The following ATXN1 variants were observed in gnomAD, a reference collection of about 807,000 sequenced individuals.
ATXN1 encodes ataxin 1, also known as ataxin-1.
A neutral mutation model predicts 56.4 loss-of-function variants in ATXN1; 8 were observed. The observed-to-expected ratio is 0.14, with a 90% confidence interval of 0.08 to 0.26. The LOEUF is 0.26. Ranked by LOEUF, ATXN1 falls within the 10% of genes least tolerant of loss-of-function variation. The pLI, the probability that ATXN1 is intolerant of heterozygous loss-of-function variation, is 1.00. For missense variants in ATXN1, 987 were observed against 1,106.5 expected (o/e 0.89, Z 1.53); for synonymous variants, 514 against 494.6 (o/e 1.04, Z -0.52).
chr6:16,464,647 C>T (rs1397189199), intron 6 of ATXN1, among the ~76,000 whole-genome samples: 1 of 151,830 alleles, frequency 6.6e-6, no homozygotes, highest in Non-Finnish European at 1.5e-5. Context: ...AGGAAACTTA[C>T]ACGCATATTG....
At chr6:16,731,676 C>G (rs1180268230) in intron 2 of ATXN1, among the ~76,000 whole-genome samples, 1 of 151,694 alleles carries the variant, frequency 6.6e-6, no homozygotes, top group Non-Finnish European at 1.5e-5. Flanking sequence ...GGGCATTTTT[C>G]CCCATGATAT....
intron 2 of ATXN1, among the ~76,000 whole-genome samples, chr6:16,712,062 G>A (rs893822175): frequency 3.3e-5 from 5 of 152,114 alleles, no homozygotes; most frequent in African/African-American, 1.2e-4. Context: ...ACGGGGAGGT[G>A]GAAAGTTGAC....
chr6:16,665,917 A>G (rs1758415165), intron 2 of ATXN1, among the ~76,000 whole-genome samples: 1 of 152,224 alleles, frequency 6.6e-6, no homozygotes, highest in South Asian at 2.1e-4. Context: ...TTTTGATACA[A>G]GCACACAATG....
At chr6:16,531,908 C>A (rs1487891783) in intron 4 of ATXN1, among the ~76,000 whole-genome samples, 1 of 152,158 alleles carries the variant, frequency 6.6e-6, no homozygotes, top group East Asian at 1.9e-4. Flanking sequence ...ATTATATATA[C>A]GGTTCTAAAA....
intron 3 of ATXN1, among the ~76,000 whole-genome samples, chr6:16,642,142 C>T (rs1763716900): frequency 1.3e-5 from 2 of 152,200 alleles, no homozygotes; most frequent in Admixed American, 6.5e-5. Flanking sequence ...AATCTCAGCA[C>T]TTTGGGAGGC....
chr6:16,583,839 G>A (rs1762570718), intron 4 of ATXN1, among the ~76,000 whole-genome samples: 1 of 152,114 alleles, frequency 6.6e-6, no homozygotes, highest in Non-Finnish European at 1.5e-5. Context: ...AACCCTTTTT[G>A]TAGATACTAG....
chr6:16,488,282 A>G, intron 5 of ATXN1, among the ~76,000 whole-genome samples: 1 of 152,190 alleles, frequency 6.6e-6, no homozygotes, highest in East Asian at 1.9e-4. Context: ...CCCTCCCCCA[A>G]AAAGGACTGA....
At chr6:16,308,760 G>A (rs1006340279) in intron 7 of ATXN1, among the ~76,000 whole-genome samples, 3 of 152,124 alleles carry the variant, frequency 2.0e-5, no homozygotes, top group Non-Finnish European at 4.4e-5. Context: ...GTGGTCATGA[G>A]GAGACCAGAT....
At chr6:16,664,753 AAATTTT>A (rs1758391317) in intron 2 of ATXN1, among the ~76,000 whole-genome samples, 1 of 152,018 alleles carries the variant, frequency 6.6e-6, no homozygotes, top group East Asian at 1.9e-4. Context: ...GGTCCTCAAT[AAATTTT>A]AAGAGTATAA....
chr6:16,548,393 T>G (rs1761853875), intron 4 of ATXN1, among the ~76,000 whole-genome samples: 1 of 152,210 alleles, frequency 6.6e-6, no homozygotes, highest in Non-Finnish European at 1.5e-5. Flanking sequence ...TGTATACACT[T>G]AGGCTGCACC....
chr6:16,368,438 A>T (rs1256222926), intron 6 of ATXN1, among the ~76,000 whole-genome samples: 1 of 144,948 alleles, frequency 6.9e-6, no homozygotes, highest in African/African-American at 2.5e-5. Context: ...ACTTCATTTT[A>T]CAGATTAGGA....
Position 16,408,230 on chromosome 6 carries a change from C to T in ATXN1, c.-161+77742G>A, listed in dbSNP as rs1247137066. ...CTTGGCAACAAAATAAAAGAAGAAC[C>T]GATCATCAACCCTCATGACATCACA... is the stretch of plus-strand genomic sequence containing the variant. On this transcript the variant is annotated intron_variant, in intron 6 of 7. Transcript: ENST00000436367. 2.6e-5 allele frequency among the ~76,000 whole-genome samples: 4 copies of T among 152,014 alleles called. No individual in the cohort carries two copies. The East Asian group carries it at 5.8e-4, about 22-fold the overall frequency.
intron 6 of ATXN1, among the ~76,000 whole-genome samples, chr6:16,342,059 T>G (rs1448606166): frequency 6.6e-6 from 1 of 151,834 alleles, no homozygotes; most frequent in Non-Finnish European, 1.5e-5. Context: ...TTTATTTTTA[T>G]TTTTGGTAGA....
intron 2 of ATXN1, among the ~76,000 whole-genome samples, chr6:16,701,424 C>A (rs1759281025): frequency 6.6e-6 from 1 of 152,180 alleles, no homozygotes. Context: ...CCTTTACACA[C>A]AAGACAGGGA....
chr6:16,640,561 T>C (rs1421231808), intron 3 of ATXN1, among the ~76,000 whole-genome samples: 1 of 151,806 alleles, frequency 6.6e-6, no homozygotes, highest in East Asian at 1.9e-4. Context: ...CGGGTGCCTG[T>C]AGTCTCAGCT....
intron 4 of ATXN1, among the ~76,000 whole-genome samples, chr6:16,574,365 C>T (rs567165169): frequency 6.6e-6 from 1 of 152,320 alleles, no homozygotes; most frequent in East Asian, 1.9e-4. Flanking sequence ...GCCACCATGC[C>T]CAGCTAATTT....
chr6:16,531,391 G>T (rs924797792), intron 4 of ATXN1, among the ~76,000 whole-genome samples: 1 of 152,180 alleles, frequency 6.6e-6, no homozygotes, highest in African/African-American at 2.4e-5. Flanking sequence ...GGGAGGCCGA[G>T]GCCAGTGGAT....
At chr6:16,529,208 G>GTTT (rs57446118) in intron 4 of ATXN1, among the ~76,000 whole-genome samples, 19 of 123,342 alleles carry the variant, frequency 1.5e-4, no homozygotes, top group East Asian at 2.3e-4. Flanking sequence ...AGGGTTTTTT[G>GTTT]TTTTTTTTTT....
At chr6:16,549,727 G>C (rs185672985) in intron 4 of ATXN1, among the ~76,000 whole-genome samples, 1 of 151,934 alleles carries the variant, frequency 6.6e-6, no homozygotes, top group Admixed American at 6.6e-5. Context: ...GTGAAACCCC[G>C]TCTCTACTAA....
Sources: gnomAD v4.1 joint callset for allele counts (sites outside exome capture counted in the v4.1 genomes callset) on GRCh38, gnomAD v4.1.1 for gene constraint, MANE v1.5 for transcripts, NCBI Gene and HGNC (gene_info 2026-07-23, HGNC 2026-07-21) for gene names.